The following RSRC1 variants were observed in gnomAD, a reference collection of about 807,000 sequenced individuals.
The protein encoded by RSRC1 is arginine and serine rich coiled-coil 1, also known as serine/Arginine-related protein 53.
In RSRC1, 39 loss-of-function variants were observed where a neutral mutation model predicts 49.1. The ratio of observed to expected loss-of-function variants is 0.79; its 90% CI spans 0.61 to 1.04. RSRC1 has a LOEUF of 1.04. Among genes scored for constraint, RSRC1 ranks in the 50% least tolerant of loss-of-function variants. RSRC1 has a pLI of 0.00. For synonymous variants in RSRC1, 143 were observed against 130.8 expected (o/e 1.09, Z -0.63); for missense variants, 388 against 402.4 (o/e 0.96, Z 0.31).
chr3:158,521,137 A>G (rs551473115), intron 7 of RSRC1, among the ~76,000 whole-genome samples: 4 of 152,166 alleles, frequency 2.6e-5, no homozygotes, highest in African/African-American at 2.4e-5. Context: ...CTAGTCACCT[A>G]TTGGTGGTAG....
At chr3:158,528,860 A>G (rs779674801) in intron 7 of RSRC1, among the ~76,000 whole-genome samples, 6 of 151,964 alleles carry the variant, frequency 3.9e-5, no homozygotes, top group Non-Finnish European at 8.8e-5. Context: ...CAATAAGCAT[A>G]AGGCAGTAGT....
chr3:158,507,432 C>T (rs1739910460), intron 7 of RSRC1, among the ~76,000 whole-genome samples: 1 of 151,990 alleles, frequency 6.6e-6, no homozygotes, highest in Admixed American at 6.6e-5. Context: ...ATAAATATTG[C>T]AGTTACCCTA....
intron 7 of RSRC1, among the ~76,000 whole-genome samples, chr3:158,476,698 C>T (rs888170008): frequency 6.6e-6 from 1 of 152,138 alleles, no homozygotes; most frequent in African/African-American, 2.4e-5. Context: ...TGCACATTGA[C>T]ATGTACAAGG....
At chr3:158,328,507 G>T (rs1279292193) in intron 5 of RSRC1, among the ~76,000 whole-genome samples, 1 of 152,118 alleles carries the variant, frequency 6.6e-6, no homozygotes, top group African/African-American at 2.4e-5. Flanking sequence ...TATTTTGGCT[G>T]GATATGAAAT....
At chr3:158,506,419 T>C (rs1739862676) in intron 7 of RSRC1, among the ~76,000 whole-genome samples, 1 of 151,864 alleles carries the variant, frequency 6.6e-6, no homozygotes, top group Admixed American at 6.6e-5. Flanking sequence ...ATAATTATAA[T>C]AAATTTAAAA....
intron 6 of RSRC1, among the ~76,000 whole-genome samples, chr3:158,444,696 G>T (rs1191523151): frequency 1.3e-5 from 2 of 152,062 alleles, no homozygotes; most frequent in Admixed American, 6.6e-5. Context: ...CACAGCAAAA[G>T]AAACTACCAT....
chr3:158,279,447 T>G (rs1726005195), intron 4 of RSRC1, among the ~76,000 whole-genome samples: 1 of 152,230 alleles, frequency 6.6e-6, no homozygotes. Flanking sequence ...TAACTCATGT[T>G]CTGTACAAAA....
chr3:158,153,776 A>T (rs544278030), intron 3 of RSRC1, among the ~76,000 whole-genome samples: 1 of 152,128 alleles, frequency 6.6e-6, no homozygotes, highest in Non-Finnish European at 1.5e-5. Context: ...GTGAACCAAG[A>T]TTGTCTTTTT....
rs144586304 is a variant in RSRC1 at position 158,288,816 on chromosome 3, A to G, written c.495-9223A>G. Among the ~76,000 whole-genome samples the G allele has an allele frequency of 6.7e-4, 99 of 148,062 alleles. No homozygotes were observed. In the East Asian group the frequency reaches 0.018, roughly 27 times the overall value. ...AGAATAAAAAATCTGCACATGTTCA[A>G]TACAGATGCACGTTCCCCGCCCCCC... is the stretch of plus-strand genomic sequence containing the variant. On this transcript the variant is annotated intron_variant, in intron 4 of 9. Coordinates refer to ENST00000611884, the MANE Select transcript of RSRC1 (RefSeq NM_001271838.2).
chr3:158,175,386 C>T (rs1719143131), intron 3 of RSRC1, among the ~76,000 whole-genome samples: 1 of 152,054 alleles, frequency 6.6e-6, no homozygotes. Context: ...ATTGCAGTCT[C>T]TTCCAAGATC....
intron 6 of RSRC1, among the ~76,000 whole-genome samples, chr3:158,419,214 A>AC (rs1211179040): frequency 1.3e-5 from 2 of 152,016 alleles, no homozygotes; most frequent in Non-Finnish European, 2.9e-5. Flanking sequence ...GAAATACTTC[A>AC]CATGTAGACT....
chr3:158,212,264 A>T (rs1247415192), intron 4 of RSRC1, among the ~76,000 whole-genome samples: 2 of 152,000 alleles, frequency 1.3e-5, no homozygotes, highest in Non-Finnish European at 1.5e-5. Flanking sequence ...AAGTGATAAC[A>T]TTGCATTTTT....
chr3:158,480,785 G>C (rs575595089), intron 7 of RSRC1, among the ~76,000 whole-genome samples: 65 of 152,124 alleles, frequency 4.3e-4, no homozygotes, highest in Non-Finnish European at 4.7e-4. Flanking sequence ...ATTTGTGACT[G>C]ATTACAGAGC....
intron 4 of RSRC1, among the ~76,000 whole-genome samples, chr3:158,206,081 G>C (rs957588822): frequency 6.6e-6 from 1 of 152,172 alleles, no homozygotes; most frequent in Non-Finnish European, 1.5e-5. Context: ...TGTCTGGCTG[G>C]ATTTGGCTCA....
Position 158,206,785 on chromosome 3 carries a change from G to A in RSRC1, c.494+3540G>A, listed in dbSNP as rs144440272. Among the ~76,000 whole-genome samples the A allele has an allele frequency of 3.3e-4, 50 of 152,100 alleles. 1 individual carries two copies. In the East Asian group the frequency reaches 8.2e-3, roughly 25 times the overall value. ...AAAAATTAGCTGGGCATAGTGGTGC[G>A]TGCCTGTAATCCCAGCTACTTGGGA... On this transcript the variant is annotated intron_variant, in intron 4 of 9. Coordinates refer to ENST00000611884, the MANE Select transcript of RSRC1 (RefSeq NM_001271838.2).
chr3:158,130,259 C>A (rs1412255893), intron 3 of RSRC1, among the ~76,000 whole-genome samples: 1 of 152,142 alleles, frequency 6.6e-6, no homozygotes, highest in Non-Finnish European at 1.5e-5. Context: ...TACCTCCCAC[C>A]AGACCCATCT....
At chr3:158,225,861 T>A (rs1269793913) in intron 4 of RSRC1, 1 of 288,936 alleles carries the variant, frequency 3.5e-6, no homozygotes, top group Non-Finnish European at 6.8e-6. Context: ...GAAAACACAC[T>A]AGAGAATGGT....
intron 1 of RSRC1, among the ~76,000 whole-genome samples, chr3:158,113,864 C>T (rs945821372): frequency 1.3e-5 from 2 of 151,058 alleles, no homozygotes; most frequent in African/African-American, 2.4e-5. Context: ...TTTTTTCTTG[C>T]AAATTTGTTT....
chr3:158,298,629 C>T (rs1331586387), intron 5 of RSRC1, among the ~76,000 whole-genome samples: 1 of 152,004 alleles, frequency 6.6e-6, no homozygotes, highest in African/African-American at 2.4e-5. Context: ...ACTGATTTAG[C>T]ATTAAAATCT....
Sources: allele counts gnomAD v4.1 joint callset (sites outside exome capture counted in the v4.1 genomes callset), GRCh38; gene constraint gnomAD v4.1.1; transcripts MANE v1.5; gene names NCBI Gene and HGNC (gene_info 2026-07-23, HGNC 2026-07-21).